The following MET variants were observed in gnomAD, a reference collection of about 807,000 sequenced individuals.
MET encodes the protein hepatocyte growth factor receptor.
A neutral mutation model predicts 133.1 loss-of-function variants in MET; 48 were observed. The observed-to-expected ratio is 0.36, with a 90% confidence interval of 0.29 to 0.46. The LOEUF is 0.46. MET is among the 20% of genes least tolerant of loss of function. The pLI is 1.00. For missense variants in MET, 1,442 were observed against 1,695.9 expected (o/e 0.85, Z 2.63); for synonymous variants, 628 against 616.5 (o/e 1.02, Z -0.28).
At chr7:116,706,145 C>T (rs965586185) in intron 2 of MET, among the ~76,000 whole-genome samples, 4 of 152,022 alleles carry the variant, frequency 2.6e-5, no homozygotes, top group African/African-American at 7.2e-5. Flanking sequence ...AGGTTTTACC[C>T]GTGGGTTATA....
chr7:116,776,433 T>C (rs1379443877), intron 15 of MET, among the ~76,000 whole-genome samples: 1 of 152,210 alleles, frequency 6.6e-6, no homozygotes, highest in African/African-American at 2.4e-5. Flanking sequence ...GTGTTCTAAT[T>C]CTACACATTT....
intron 2 of MET, among the ~76,000 whole-genome samples, chr7:116,702,958 A>G (rs1791636024): frequency 6.6e-6 from 1 of 152,138 alleles, no homozygotes; most frequent in Admixed American, 6.6e-5. Context: ...TTAGGATCAC[A>G]TATTTTGTTG....
At chr7:116,750,562 C>G (rs1793877401) in intron 5 of MET, among the ~76,000 whole-genome samples, 1 of 152,158 alleles carries the variant, frequency 6.6e-6, no homozygotes, top group South Asian at 2.1e-4. Context: ...GCAATGGCAA[C>G]AAAAGTCTAA....
chr7:116,746,773 C>A lies in MET; in HGVS notation c.1701+5748C>A, dbSNP rs978091867. Among the ~76,000 whole-genome samples the A allele has an allele frequency of 3.9e-5, 5 of 129,856 alleles. No individual in the cohort carries two copies. In the South Asian group the frequency reaches 1.2e-3, roughly 30 times the overall value. The allele number at this position is 129,856 out of a possible 152,430, so 85.2% of individuals were successfully genotyped here. ...GGAAGGGGAATATCACACACCGGGG[C>A]CTGTTGTGGGGTCGGGGGAGGGGGG... is the stretch of plus-strand genomic sequence containing the variant. On this transcript the variant is annotated intron_variant, in intron 5 of 20. Transcript: ENST00000397752.
rs758184735 is a variant in MET at position 116,730,218 on chromosome 7, C to T, written c.1201-1450C>T. On this transcript the variant is annotated intron_variant, in intron 2 of 20. Coordinates refer to ENST00000397752, the MANE Select transcript of MET (RefSeq NM_000245.4). The stretch of plus-strand genomic sequence containing the variant: ...TGAAGGTGGAAGGAGCATTTCAAGC[C>T]GGGAAATAGCATCTGCAGAGGCCCT... Among the ~76,000 whole-genome samples the T allele has an allele frequency of 9.9e-5, 15 of 152,198 alleles. No homozygotes were observed. The South Asian group carries it at 1.2e-3, about 13-fold the overall frequency.
Position 116,763,228 on chromosome 7 carries a change from T to A in MET, c.2543T>A (p.Val848Glu), listed in dbSNP as rs587782205. The A allele has an allele frequency of 6.2e-7, 1 of 1,613,980 alleles. No individual in the cohort carries two copies. The highest frequency in any genetic ancestry group is 8.5e-7 in the Non-Finnish European group (1 of 1,179,930). Residue 848 changes from valine to glutamate, a missense_variant, in exon 11 of 21, where the codon GTG becomes GAG. Val to Glu is a moderately radical substitution (Grantham distance 121). Transcript: ENST00000397752. ...NPVFKPFEKP[V>E]MISMGNENVL... Reference sequence around the variant, plus strand: ...GTGTTTAAGCCTTTTGAAAAGCCAGTGATGATCTCAATGGGCAATGAAAAT... The same window carrying A: ...GTGTTTAAGCCTTTTGAAAAGCCAGAGATGATCTCAATGGGCAATGAAAAT...
At chr7:116,759,561 A>G (rs1282428483) in intron 10 of MET, 71 bp downstream of exon 10, 2 of 1,510,376 alleles carry the variant, frequency 1.3e-6, no homozygotes, top group African/African-American at 2.7e-5. Flanking sequence ...CTTTCATGGT[A>G]CCTGAGACAT....
intron 5 of MET, among the ~76,000 whole-genome samples, chr7:116,752,959 C>G (rs1793987979): frequency 6.6e-6 from 1 of 152,086 alleles, no homozygotes; most frequent in Non-Finnish European, 1.5e-5. Flanking sequence ...CTTGTTCTCT[C>G]CTACTGGATT....
intron 2 of MET, among the ~76,000 whole-genome samples, chr7:116,726,032 G>T (rs1489529728): frequency 6.8e-6 from 1 of 146,324 alleles, no homozygotes; most frequent in African/African-American, 2.5e-5. Flanking sequence ...GGGATACCCT[G>T]TCTCTCAAAA....
rs371463233 is a variant in MET, at chr7:116,731,702, G to A, written c.1235G>A (p.Arg412His). The part of the protein sequence containing the change: ...LLRNSSGCEA[R>H]RDEYRTEFTT... Reference sequence around the variant, plus strand: ...AGAAATTCATCAGGCTGTGAAGCGCGCCGTGATGAATATCGAACAGAGTTT... The same window carrying A: ...AGAAATTCATCAGGCTGTGAAGCGCACCGTGATGAATATCGAACAGAGTTT... Residue 412 changes from arginine (R) to histidine (H), a missense_variant, in exon 3 of 21, where the codon CGC becomes CAC. Physicochemically the swap from Arg to His is conservative, Grantham distance 29. Coordinates refer to ENST00000397752, the MANE Select transcript of MET (RefSeq NM_000245.4). The A allele has an allele frequency of 2.2e-5, 36 of 1,614,072 alleles. No homozygotes were observed. The highest frequency in any genetic ancestry group is 7.7e-5 in the South Asian group (7 of 91,080).
At chr7:116,712,236 AT>A (rs1792028894) in intron 2 of MET, among the ~76,000 whole-genome samples, 1 of 152,032 alleles carries the variant, frequency 6.6e-6, no homozygotes, top group Non-Finnish European at 1.5e-5. Flanking sequence ...CCATGCTGGC[AT>A]TTTCCTTCCC....
intron 2 of MET, among the ~76,000 whole-genome samples, chr7:116,722,851 G>A (rs1342458876): frequency 3.3e-5 from 5 of 151,512 alleles, no homozygotes; most frequent in South Asian, 2.1e-4. Flanking sequence ...CAAGAGATCC[G>A]CTGTTAGTCT....
chr7:116,776,574 G>A (rs765749466), intron 15 of MET, among the ~76,000 whole-genome samples: 5 of 152,180 alleles, frequency 3.3e-5, no homozygotes, highest in Admixed American at 6.5e-5. Context: ...GAGAATAGGA[G>A]CACTCAAAAG....
At chr7:116,672,708 G>T in intron 1 of MET, 131 bp downstream of exon 1, 1 of 370,056 alleles carries the variant, frequency 2.7e-6, no homozygotes, top group Non-Finnish European at 4.8e-6. Flanking sequence ...GAGTTTAGGG[G>T]CTTCGGAAAC....
intron 1 of MET, among the ~76,000 whole-genome samples, chr7:116,673,648 C>T (rs553816126): frequency 6.6e-6 from 1 of 152,348 alleles, no homozygotes; most frequent in South Asian, 2.1e-4. Context: ...TATTCCCTTA[C>T]AGCTAAACTA....
chr7:116,698,495 C>T (rs1241038941), intron 1 of MET, among the ~76,000 whole-genome samples: 21 of 152,182 alleles, frequency 1.4e-4, no homozygotes, highest in Admixed American at 1.4e-3. Context: ...TACCATTCCT[C>T]TCCACACAAA....
At chr7:116,707,294 A>C (rs886903536) in intron 2 of MET, among the ~76,000 whole-genome samples, 2 of 152,126 alleles carry the variant, frequency 1.3e-5, no homozygotes, top group African/African-American at 4.8e-5. Flanking sequence ...AACAAACAAA[A>C]AAAAACCATT....
chr7:116,778,323 T>C (rs1208757432), intron 16 of MET, among the ~76,000 whole-genome samples: 5 of 152,248 alleles, frequency 3.3e-5, no homozygotes, highest in African/African-American at 1.2e-4. Flanking sequence ...CTACAAACTT[T>C]ATATGGGACT....
chr7:116,732,247 A>G (rs1793042410), intron 3 of MET, among the ~76,000 whole-genome samples: 1 of 152,182 alleles, frequency 6.6e-6, no homozygotes. Context: ...CATCTTCATG[A>G]GAAGAAACAT....
Sources: gnomAD v4.1 joint callset for allele counts (sites outside exome capture counted in the v4.1 genomes callset) on GRCh38, gnomAD v4.1.1 for gene constraint, MANE v1.5 for transcripts, NCBI Gene and HGNC (gene_info 2026-07-23, HGNC 2026-07-21) for gene names.